Variants in DENND1A observed in about 807,000 individuals in gnomAD.
DENND1A encodes the protein DENN domain-containing protein 1A.
DENND1A carries 51 observed loss-of-function variants against 113.7 expected under a neutral mutation model. The observed-to-expected ratio is 0.45, with a 90% CI of 0.36 to 0.57. DENND1A has a LOEUF of 0.57. DENND1A is among the 20% of genes least tolerant of loss of function. The pLI is 0.00. For missense variants in DENND1A, 1,258 were observed against 1,395.9 expected (o/e 0.90, Z 1.57); for synonymous variants, 565 against 570.8 (o/e 0.99, Z 0.14).
chr9:123,900,171 G>A (rs1476552513), intron 1 of DENND1A, among the ~76,000 whole-genome samples: 1 of 152,176 alleles, frequency 6.6e-6, no homozygotes, highest in African/African-American at 2.4e-5. Flanking sequence ...TCAGTTATCT[G>A]GAACCATCAC....
intron 5 of DENND1A, chr9:123,751,302 G>A (rs2070003948): frequency 6.6e-6 from 1 of 152,154 alleles, no homozygotes; most frequent in African/African-American, 2.4e-5. Flanking sequence ...TGCTCCAGAA[G>A]GAAGAAGGTT....
intron 13 of DENND1A, among the ~76,000 whole-genome samples, chr9:123,497,813 C>CAA (rs755257150): frequency 0.1 from 10,620 of 101,570 alleles, 450 homozygotes; most frequent in African/African-American, 0.12. Context: ...CTCTTCCATC[C>CAA]AAAAAAAAAA....
At chr9:123,528,977 GC>G (rs2055070512) in intron 13 of DENND1A, among the ~76,000 whole-genome samples, 1 of 152,078 alleles carries the variant, frequency 6.6e-6, no homozygotes, top group Non-Finnish European at 1.5e-5. Context: ...ACTTACTCTG[GC>G]AGAGTTAATC....
intron 20 of DENND1A, chr9:123,411,358 C>T (rs1564438146): frequency 6.6e-6 from 1 of 152,242 alleles, no homozygotes; most frequent in Non-Finnish European, 1.5e-5. Context: ...TGGACATAGC[C>T]TCCACCCCTG....
rs563884045 is a variant in DENND1A at position 123,455,312 on chromosome 9, G to A, written c.1187-533C>T. Among the ~76,000 whole-genome samples the A allele has an allele frequency of 5.6e-4, 85 of 152,294 alleles. No homozygotes were observed. In the South Asian group the frequency reaches 0.015, roughly 26 times the overall value. On this transcript the variant is annotated intron_variant, in intron 15 of 23. Coordinates refer to ENST00000394215, the MANE Select transcript of DENND1A (RefSeq NM_001352964.2). Reference sequence around the variant, plus strand: ...CTGGAGGTCAGGCTCCGAGGCAGCCGTGCCACTCTCCTCCAGTCGCGCCTC... The same window carrying A: ...CTGGAGGTCAGGCTCCGAGGCAGCCATGCCACTCTCCTCCAGTCGCGCCTC...
Position 123,382,387 on chromosome 9 carries a change from G to A in DENND1A, c.2258C>T (p.Pro753Leu), listed in dbSNP as rs1228490416. 4 of 1,598,946 alleles carry A rather than the reference G, an allele frequency of 2.5e-6. No individual in the cohort carries two copies. The highest frequency in any genetic ancestry group is 2.2e-5 in the East Asian group (1 of 44,804). Residue 753 changes from proline (P) to leucine (L), a missense_variant, in exon 24 of 24, where the codon CCT becomes CTT. Physicochemically the swap from Pro to Leu is moderately conservative, Grantham distance 98. This residue lies in a region of DENND1A where 1,159 missense variants were observed against 1,231.7 expected (regional missense o/e 0.94). Coordinates refer to ENST00000394215, the MANE Select transcript of DENND1A (RefSeq NM_001352964.2). ...NPSDKEEVPT[P>L]TLGSITIPRP... ...GGGGATGGTGATGCTGCCCAGAGTAGGGGTGGGCACCTCCTCCTTGTCACT... is the reference window on the plus strand; with the variant it reads ...GGGGATGGTGATGCTGCCCAGAGTAAGGGTGGGCACCTCCTCCTTGTCACT...
chr9:123,925,301 G>A (rs1856907688), intron 1 of DENND1A, among the ~76,000 whole-genome samples: 1 of 151,998 alleles, frequency 6.6e-6, no homozygotes, highest in South Asian at 2.1e-4. Context: ...TACTCCCTCT[G>A]CTAACCACCC....
At chr9:123,681,510 A>G (rs191438565) in intron 5 of DENND1A, among the ~76,000 whole-genome samples, 8 of 152,274 alleles carry the variant, frequency 5.3e-5, no homozygotes, top group Admixed American at 4.6e-4. Flanking sequence ...GCCACTGGTT[A>G]CAAACAAGGA....
At chr9:123,757,881 A>G (rs1425662784) in intron 4 of DENND1A, 59 bp from the exon 5 acceptor site, 3 of 1,590,206 alleles carry the variant, frequency 1.9e-6, no homozygotes, top group Admixed American at 1.7e-5. Flanking sequence ...TTGATAAAGT[A>G]TCTAATCACA....
At chr9:123,884,563 T>C (rs763679479) in intron 1 of DENND1A, among the ~76,000 whole-genome samples, 5 of 152,110 alleles carry the variant, frequency 3.3e-5, no homozygotes, top group Admixed American at 2.0e-4. Flanking sequence ...AATCCAGCCA[T>C]ATAGATCTAC....
At chr9:123,810,758 C>CTT (rs570849433) in intron 2 of DENND1A, among the ~76,000 whole-genome samples, 16 of 131,206 alleles carry the variant, frequency 1.2e-4, no homozygotes, top group African/African-American at 2.7e-4. Flanking sequence ...ACTTAAATCC[C>CTT]TTTTTTTTTT....
intron 5 of DENND1A, among the ~76,000 whole-genome samples, chr9:123,744,675 T>A (rs994027669): frequency 6.6e-6 from 1 of 152,122 alleles, no homozygotes; most frequent in Non-Finnish European, 1.5e-5. Context: ...ACATCTCACC[T>A]ATGACAATTG....
chr9:123,584,398 C>G (rs2059065912), intron 11 of DENND1A, among the ~76,000 whole-genome samples: 1 of 152,226 alleles, frequency 6.6e-6, no homozygotes, highest in South Asian at 2.1e-4. Context: ...ACCACCTAAG[C>G]TAGGACTGAA....
intron 13 of DENND1A, chr9:123,485,650 G>GTGCA (rs2050769350): frequency 7.8e-6 from 1 of 127,462 alleles, no homozygotes; most frequent in East Asian, 2.2e-4. Context: ...ACACACGCGC[G>GTGCA]CGCGCGCACA....
intron 1 of DENND1A, among the ~76,000 whole-genome samples, chr9:123,913,820 G>A (rs926750566): frequency 2.0e-5 from 3 of 150,742 alleles, no homozygotes; most frequent in African/African-American, 7.3e-5. Context: ...CAGGAGAATC[G>A]CTTGAACTCG....
chr9:123,520,875 T>C (rs959009660), intron 13 of DENND1A, among the ~76,000 whole-genome samples: 2 of 152,226 alleles, frequency 1.3e-5, no homozygotes, highest in Non-Finnish European at 2.9e-5. Flanking sequence ...CAGGGTTTAA[T>C]GTAGATTATT....
At position 123,557,646 on chromosome 9, in the gene DENND1A, T is replaced by C; in HGVS notation, c.917A>G (p.Asp306Gly). 1.2e-6 allele frequency: 2 copies of C among 1,613,958 alleles called. No homozygotes were observed. The highest frequency in any genetic ancestry group is 1.1e-5 in the South Asian group (1 of 91,028). ...RLKKVSTTTG[D>G]GVARAFLKAQ... ...CTTGAGGAACGCTCTGGCCACACCA[T>C]CCCCAGTGGTTGTGGAGACCTTTTT... is the stretch of plus-strand genomic sequence containing the variant. Residue 306 changes from aspartate to glycine, a missense_variant, in exon 13 of 24, where the codon GAT becomes GGT. Transcript: ENST00000394215.
chr9:123,540,152 T>C (rs12344489), intron 13 of DENND1A, among the ~76,000 whole-genome samples: 26,847 of 152,162 alleles, frequency 0.18, 2,533 homozygotes, highest in African/African-American at 0.22. Flanking sequence ...AACTCAGCTA[T>C]AAATTAAATG....
intron 21 of DENND1A, among the ~76,000 whole-genome samples, chr9:123,394,828 C>G (rs1279226213): frequency 6.6e-6 from 1 of 152,192 alleles, no homozygotes; most frequent in Non-Finnish European, 1.5e-5. Context: ...ACACCTGCCC[C>G]TCACCCTGAG....
Sources: allele counts gnomAD v4.1 joint callset (sites outside exome capture counted in the v4.1 genomes callset), GRCh38; gene constraint gnomAD v4.1.1; regional missense constraint gnomAD v4.1.1; transcripts MANE v1.5; gene names NCBI Gene and HGNC (gene_info 2026-07-23, HGNC 2026-07-21).